The following CLDN6 variants were observed in gnomAD, a reference collection of about 807,000 sequenced individuals.
CLDN6 encodes claudin 6.
For synonymous variants in CLDN6, 144 were observed against 131.2 expected (o/e 1.10, Z -0.67); for missense variants, 279 against 284.1 (o/e 0.98, Z 0.13).
chr16:3,016,052 G>A lies in CLDN6; in HGVS notation c.-21-10C>T, dbSNP rs774150273. ...GGTTGAAGGAGCTGCACTGTGTTTG[G>A]GACAGAAGCACAACAAGGTGAGGCC... On this transcript the variant is annotated splice_polypyrimidine_tract_variant and intron_variant, in intron 1 of 1. Transcript: ENST00000328796. 3.8e-5 allele frequency: 60 copies of A among 1,595,620 alleles called. No individual in the cohort carries two copies. Among genetic ancestry groups the A allele is most frequent in the Non-Finnish European group, 4.8e-5 (56 of 1,168,790 alleles).
Position 3,016,015 on chromosome 16 carries a change from A to G in CLDN6, c.7T>C (p.Ser3Pro). The G allele has an allele frequency of 6.2e-7, 1 of 1,613,314 alleles. No homozygotes were observed. Among genetic ancestry groups the G allele is most frequent in the Non-Finnish European group, 8.5e-7 (1 of 1,179,438 alleles). Residue 3 changes from serine to proline, a missense_variant, in exon 2 of 2, where the codon TCT (serine) becomes CCT (proline). Physicochemically the swap from Ser to Pro is moderately conservative, Grantham distance 74. Coordinates refer to ENST00000328796, the MANE Select transcript of CLDN6 (RefSeq NM_021195.5). MA[S>P]AGMQILGVVL... ...ACTCCCAGGATCTGCATTCCGGCAG[A>G]GGCCATGGCGAGGTTGAAGGAGCTG...
At chr16:3,016,877 T>C (rs2072571227) in intron 1 of CLDN6, among the ~76,000 whole-genome samples, 1 of 151,972 alleles carries the variant, frequency 6.6e-6, no homozygotes, top group Non-Finnish European at 1.5e-5. Flanking sequence ...CTCGATCTCC[T>C]GACTTCGTGA....
chr16:3,015,750 G>T lies in CLDN6; in HGVS notation c.272C>A (p.Ala91Asp). The change falls in exon 2 of 2, where the codon GCC (alanine) becomes GAC (aspartate). Residue 91 changes from alanine (A) to aspartate (D), a missense_variant. By Grantham distance (126) the Ala-to-Asp change is moderately radical. Coordinates refer to ENST00000328796, the MANE Select transcript of CLDN6 (RefSeq NM_021195.5). ...AAGGTAGACCAGCAAGCCGAACAGG[G>T]CCACAAGGAGGGCGATGACACAGAG... The part of the protein sequence containing the change: ...RALCVIALLV[A>D]LFGLLVYLAG... 1 of 1,614,048 alleles carries T rather than the reference G, an allele frequency of 6.2e-7. No individual in the cohort carries two copies. The highest frequency in any genetic ancestry group is 1.3e-5 in the African/African-American group (1 of 75,064).
At position 3,014,972 on chromosome 16, in the gene CLDN6, G is replaced by A. The variant is rs1214754529; in HGVS notation, c.*387C>T. 2.2e-5 allele frequency: 9 copies of A among 405,256 alleles called. No individual in the cohort carries two copies. In the Admixed American group the frequency reaches 2.5e-4, roughly 11 times the overall value. The allele number at this position is 405,256 out of a possible 1,614,324, so 25.1% of individuals were successfully genotyped here. ...TCCAGAGACCTGAGTAGGATGGGGG[G>A]CAGCTGTCCAGTGACATCTAGGGAA... is the stretch of plus-strand genomic sequence containing the variant. On this transcript the variant is annotated 3_prime_UTR_variant, in exon 2 of 2. Transcript: ENST00000328796.
Position 3,015,352 on chromosome 16 carries a change from C to T in CLDN6, c.*7G>A. On this transcript the variant is annotated 3_prime_UTR_variant, in exon 2 of 2. Transcript: ENST00000328796. ...TAGCGCCAGCGGAGCCCCCATTCCC[C>T]TCCACGTCAGACGTAATTCTTGGTA... 5 of 1,519,326 alleles carry T rather than the reference C, an allele frequency of 3.3e-6. No homozygotes were observed. Among genetic ancestry groups the T allele is most frequent in the Non-Finnish European group, 2.6e-6 (3 of 1,136,284 alleles). The allele number at this position is 1,519,326 out of a possible 1,614,324, so 94.1% of individuals were successfully genotyped here.
chr16:3,015,531 A>C lies in CLDN6; in HGVS notation c.491T>G (p.Leu164Arg), dbSNP rs1425603487. The change falls in exon 2 of 2, where the codon CTC (leucine) becomes CGC (arginine). Residue 164 changes from leucine to arginine, a missense_variant. Leu to Arg is a moderately radical substitution (Grantham distance 102). Coordinates refer to ENST00000328796, the MANE Select transcript of CLDN6 (RefSeq NM_021195.5). Reference protein sequence around the residue: ...EAQKRELGASLYLGWAASGLL... With the variant: ...EAQKRELGASRYLGWAASGLL... ...GCCTGAGGCCGCCCAGCCCAAGTAGAGGGAGGCCCCCAGCTCCCGCTTTTG... is the reference window on the plus strand; with the variant it reads ...GCCTGAGGCCGCCCAGCCCAAGTAGCGGGAGGCCCCCAGCTCCCGCTTTTG... 6.2e-7 allele frequency: 1 copy of C among 1,612,876 alleles called. No individual in the cohort carries two copies. Among genetic ancestry groups the C allele is most frequent in the Non-Finnish European group, 8.5e-7 (1 of 1,179,858 alleles).
intron 1 of CLDN6, 78 bp from the exon 2 acceptor site, chr16:3,016,120 G>A (rs2072565957): frequency 3.8e-6 from 5 of 1,317,732 alleles, no homozygotes; most frequent in Non-Finnish European, 4.1e-6. Flanking sequence ...AGGACTCTAG[G>A]GGCATGCACC....
intron 1 of CLDN6, among the ~76,000 whole-genome samples, chr16:3,016,699 G>C (rs968012290): frequency 2.8e-5 from 4 of 142,086 alleles, no homozygotes; most frequent in Non-Finnish European, 6.0e-5. Context: ...CCAGCCTGGA[G>C]TGCAGTGGCG....
rs113281551 is a variant in CLDN6 at position 3,016,025 on chromosome 16, G to A, written c.-4C>T. On this transcript the variant is annotated 5_prime_UTR_variant, in exon 2 of 2. Transcript: ENST00000328796. ...TCTGCATTCCGGCAGAGGCCATGGC[G>A]AGGTTGAAGGAGCTGCACTGTGTTT... The A allele has an allele frequency of 1.3e-3, 2,061 of 1,611,530 alleles. 29 individuals carry two copies. In the African/African-American group the frequency reaches 0.024, roughly 19 times the overall value.
At position 3,015,409 on chromosome 16, in the gene CLDN6, G is replaced by A. The variant is rs1426197563; in HGVS notation, c.613C>T (p.Pro205Ser). 1.3e-6 allele frequency: 2 copies of A among 1,534,046 alleles called. No homozygotes were observed. The highest frequency in any genetic ancestry group is 2.1e-5 in the Admixed American group (1 of 46,652). ...HYMARYSTSA[P>S]AISRGPSEYP... ...TCAGAGGGCCCCCGAGAGATGGCAG[G>A]GGCAGATGTTGAGTAGCGGGCCATG... Residue 205 changes from proline (P) to serine (S), a missense_variant, in exon 2 of 2, where the codon CCT becomes TCT. Physicochemically the swap from Pro to Ser is moderately conservative, Grantham distance 74. Coordinates refer to ENST00000328796, the MANE Select transcript of CLDN6 (RefSeq NM_021195.5).
At chr16:3,016,924 A>G (rs1312929662) in intron 1 of CLDN6, among the ~76,000 whole-genome samples, 2 of 152,150 alleles carry the variant, frequency 1.3e-5, no homozygotes, top group Non-Finnish European at 2.9e-5. Context: ...CTGGGATTAC[A>G]GGCATGAGCC....
chr16:3,015,378 G>C lies in CLDN6; in HGVS notation c.644C>G (p.Pro215Arg). 6.6e-7 allele frequency: 1 copy of C among 1,522,856 alleles called. No homozygotes were observed. The highest frequency in any genetic ancestry group is 8.8e-7 in the Non-Finnish European group (1 of 1,138,158). 94.3% of individuals were successfully genotyped at this position (1,522,856 alleles called of 1,614,324 possible). A position where few individuals can be genotyped will look rare whatever the true frequency, so the allele number is the denominator to read the frequency against. Reference sequence around the variant, plus strand: ...TCCACGTCAGACGTAATTCTTGGTAGGGTACTCAGAGGGCCCCCGAGAGAT... The same window carrying C: ...TCCACGTCAGACGTAATTCTTGGTACGGTACTCAGAGGGCCCCCGAGAGAT... ...PAISRGPSEY[P>R]TKNYV The change falls in exon 2 of 2, where the codon CCT (proline) becomes CGT (arginine). Residue 215 changes from proline (P) to arginine (R), a missense_variant. Transcript: ENST00000328796.
rs2072565507 is a variant in CLDN6, at chr16:3,016,043, CTG to C, written c.-21-3_-21-2del. Reference sequence around the variant, plus strand: ...CCATGGCGAGGTTGAAGGAGCTGCACTGTGTTTGGGACAGAAGCACAACAAGG... The same window carrying C: ...CCATGGCGAGGTTGAAGGAGCTGCACTGTTTGGGACAGAAGCACAACAAGG... On this transcript the variant is annotated splice_acceptor_variant and splice_polypyrimidine_tract_variant and intron_variant, in intron 1 of 1. Transcript: ENST00000328796. LOFTEE classifies it low-confidence loss of function (5UTR_SPLICE). The C allele has an allele frequency of 5.0e-6, 8 of 1,605,408 alleles. No individual in the cohort carries two copies. The highest frequency in any genetic ancestry group is 6.8e-6 in the Non-Finnish European group (8 of 1,174,938).
At chr16:3,016,749 G>A (rs980089988) in intron 1 of CLDN6, among the ~76,000 whole-genome samples, 2 of 151,358 alleles carry the variant, frequency 1.3e-5, no homozygotes, top group African/African-American at 4.9e-5. Flanking sequence ...CCCGGTTCAC[G>A]CCATTCTCCT....
rs200821404 is a variant in CLDN6, at chr16:3,015,390, G to C, written c.632C>G (p.Pro211Arg). ...GTAATTCTTGGTAGGGTACTCAGAG[G>C]GCCCCCGAGAGATGGCAGGGGCAGA... Reference protein sequence around the residue: ...STSAPAISRGPSEYPTKNYV With the variant: ...STSAPAISRGRSEYPTKNYV The change falls in exon 2 of 2, where the codon CCC (proline) becomes CGC (arginine). Residue 211 changes from proline (P) to arginine (R), a missense_variant. Physicochemically the swap from Pro to Arg is moderately radical, Grantham distance 103. Coordinates refer to ENST00000328796, the MANE Select transcript of CLDN6 (RefSeq NM_021195.5). 42 of 1,524,584 alleles carry C rather than the reference G, an allele frequency of 2.8e-5. No homozygotes were observed. In the South Asian group the frequency reaches 4.5e-4, roughly 16 times the overall value. 94.4% of individuals were successfully genotyped at this position (1,524,584 alleles called of 1,614,324 possible).
rs753962881 is a variant in CLDN6, at chr16:3,015,349, C to A, written c.*10G>T. On this transcript the variant is annotated 3_prime_UTR_variant, in exon 2 of 2. Coordinates refer to ENST00000328796, the MANE Select transcript of CLDN6 (RefSeq NM_021195.5). ...CTCTAGCGCCAGCGGAGCCCCCATT[C>A]CCCTCCACGTCAGACGTAATTCTTG... 1 of 1,518,136 alleles carries A rather than the reference C, an allele frequency of 6.6e-7. No homozygotes were observed. Among genetic ancestry groups the A allele is most frequent in the East Asian group, 2.3e-5 (1 of 44,088 alleles). The allele number at this position is 1,518,136 out of a possible 1,614,324, so 94.0% of individuals were successfully genotyped here.
Position 3,015,354 on chromosome 16 carries a change from C to T in CLDN6, c.*5G>A, listed in dbSNP as rs1378744145. On this transcript the variant is annotated 3_prime_UTR_variant, in exon 2 of 2. Coordinates refer to ENST00000328796, the MANE Select transcript of CLDN6 (RefSeq NM_021195.5). Reference sequence around the variant, plus strand: ...GCGCCAGCGGAGCCCCCATTCCCCTCCACGTCAGACGTAATTCTTGGTAGG... The same window carrying T: ...GCGCCAGCGGAGCCCCCATTCCCCTTCACGTCAGACGTAATTCTTGGTAGG... 3 of 1,519,390 alleles carry T rather than the reference C, an allele frequency of 2.0e-6. No homozygotes were observed. The highest frequency in any genetic ancestry group is 2.6e-6 in the Non-Finnish European group (3 of 1,136,388). The allele number at this position is 1,519,390 out of a possible 1,614,324, so 94.1% of individuals were successfully genotyped here.
Position 3,018,165 on chromosome 16 carries a change from G to A in CLDN6, c.-38C>T, listed in dbSNP as rs1441620497. The A allele has an allele frequency of 1.3e-5, 2 of 152,276 alleles. No homozygotes were observed. The highest frequency in any genetic ancestry group is 2.4e-5 in the African/African-American group (1 of 41,460). 9.4% of individuals were successfully genotyped at this position (152,276 alleles called of 1,614,324 possible). Reference sequence around the variant, plus strand: ...CGGACTCACCTGCGAAGGAGATAAGGGAAATTCCTAGGCCGAGTGTCGGGA... The same window carrying A: ...CGGACTCACCTGCGAAGGAGATAAGAGAAATTCCTAGGCCGAGTGTCGGGA... On this transcript the variant is annotated 5_prime_UTR_variant, in exon 1 of 2. Coordinates refer to ENST00000328796, the MANE Select transcript of CLDN6 (RefSeq NM_021195.5).
intron 1 of CLDN6, among the ~76,000 whole-genome samples, chr16:3,017,743 GAA>G (rs554939476): frequency 6.6e-6 from 1 of 151,838 alleles, no homozygotes; most frequent in African/African-American, 2.4e-5. Flanking sequence ...TGCACTGCAT[GAA>G]AAAGACTCTG....
Sources: gnomAD v4.1 joint callset for allele counts (sites outside exome capture counted in the v4.1 genomes callset) on GRCh38, gnomAD v4.1.1 for gene constraint, MANE v1.5 for transcripts, NCBI Gene and HGNC (gene_info 2026-07-23, HGNC 2026-07-21) for gene names.